CCDC7: variants seen among roughly 807,000 people sequenced by gnomAD.
CCDC7 encodes coiled-coil domain containing 7.
A neutral mutation model predicts 196.9 loss-of-function variants in CCDC7; 183 were observed. The observed-to-expected ratio is 0.93, with a 90% CI of 0.82 to 1.05. The LOEUF is 1.05. CCDC7 is among the 50% of genes least tolerant of loss of function. The pLI, the probability that CCDC7 is intolerant of heterozygous loss-of-function variation, is 0.00. For missense variants in CCDC7, 1,540 were observed against 1,482.2 expected (o/e 1.04, Z -0.64); for synonymous variants, 525 against 484.6 (o/e 1.08, Z -1.10).
chr10:32,657,506 G>A (rs556189897), intron 20 of CCDC7, among the ~76,000 whole-genome samples: 1 of 152,218 alleles, frequency 6.6e-6, no homozygotes, highest in Non-Finnish European at 1.5e-5. Context: ...CTGAAGCAAT[G>A]GTCTGAGCTG....
intron 29 of CCDC7, among the ~76,000 whole-genome samples, chr10:32,784,251 G>T (rs1431361238): frequency 6.6e-6 from 1 of 151,448 alleles, no homozygotes; most frequent in East Asian, 1.9e-4. Flanking sequence ...CAGGGTACAT[G>T]TGCAGGATGT....
intron 24 of CCDC7, among the ~76,000 whole-genome samples, chr10:32,704,841 C>G (rs967576192): frequency 1.3e-5 from 2 of 152,136 alleles, no homozygotes; most frequent in Admixed American, 6.5e-5. Context: ...CCTGGTGTGC[C>G]ATTTGCTAAG....
At chr10:32,533,079 T>A (rs1414665056) in intron 11 of CCDC7, among the ~76,000 whole-genome samples, 2 of 152,080 alleles carry the variant, frequency 1.3e-5, no homozygotes, top group Non-Finnish European at 1.5e-5. Flanking sequence ...TAATTTTTTA[T>A]GATAATATGT....
intron 11 of CCDC7, among the ~76,000 whole-genome samples, chr10:32,541,713 G>A (rs755781470): frequency 6.6e-6 from 1 of 152,178 alleles, no homozygotes; most frequent in African/African-American, 2.4e-5. Flanking sequence ...AGAGGTCACC[G>A]TGGACTCAAG....
chr10:32,618,264 A>G (rs2062993442), intron 18 of CCDC7, among the ~76,000 whole-genome samples: 1 of 151,578 alleles, frequency 6.6e-6, no homozygotes, highest in Admixed American at 6.6e-5. Context: ...TGTTCTTGTC[A>G]TGTTTTTATT....
At chr10:32,667,301 A>T (rs1194505438) in intron 21 of CCDC7, among the ~76,000 whole-genome samples, 4 of 152,066 alleles carry the variant, frequency 2.6e-5, no homozygotes, top group Non-Finnish European at 5.9e-5. Flanking sequence ...TGCAAAAATT[A>T]TCTCCCATTC....
chr10:32,818,498 T>C (rs1289572564), intron 31 of CCDC7, among the ~76,000 whole-genome samples: 1 of 151,630 alleles, frequency 6.6e-6, no homozygotes, highest in Non-Finnish European at 1.5e-5. Flanking sequence ...CTAATAGACA[T>C]CTACAGAACT....
intron 7 of CCDC7, among the ~76,000 whole-genome samples, chr10:32,473,117 A>C (rs954579045): frequency 2.0e-5 from 3 of 152,168 alleles, no homozygotes; most frequent in African/African-American, 2.4e-5. Flanking sequence ...ACTTCCATAA[A>C]ATTTACAGCT....
At chr10:32,629,288 T>C (rs373100267) in intron 18 of CCDC7, among the ~76,000 whole-genome samples, 1 of 152,094 alleles carries the variant, frequency 6.6e-6, no homozygotes, top group South Asian at 2.1e-4. Context: ...GACTGGAAGT[T>C]TATTTTTTTG....
At chr10:32,549,002 T>A (rs2053003167) in intron 13 of CCDC7, among the ~76,000 whole-genome samples, 1 of 152,230 alleles carries the variant, frequency 6.6e-6, no homozygotes. Flanking sequence ...TTTTCCATAG[T>A]GGCTGTACTA....
At chr10:32,472,796 A>G (rs918959045) in intron 7 of CCDC7, among the ~76,000 whole-genome samples, 1 of 151,016 alleles carries the variant, frequency 6.6e-6, no homozygotes, top group African/African-American at 2.4e-5. Flanking sequence ...AGGTCTCACT[A>G]TGTCGCCCAG....
At chr10:32,798,277 C>A (rs551957979) in intron 29 of CCDC7, among the ~76,000 whole-genome samples, 1 of 152,206 alleles carries the variant, frequency 6.6e-6, no homozygotes, top group East Asian at 1.9e-4. Flanking sequence ...CAGTGTTGGT[C>A]TTTGCTGCTG....
intron 20 of CCDC7, among the ~76,000 whole-genome samples, chr10:32,659,360 A>C (rs1018178792): frequency 6.6e-6 from 1 of 152,110 alleles, no homozygotes; most frequent in Non-Finnish European, 1.5e-5. Context: ...CCTGTGATTG[A>C]TTTCTAGTTT....
intron 25 of CCDC7, among the ~76,000 whole-genome samples, chr10:32,724,298 C>T (rs538830017): frequency 2.0e-5 from 3 of 152,054 alleles, no homozygotes; most frequent in Non-Finnish European, 2.9e-5. Context: ...CCATGGGATC[C>T]TCGGGGTTCT....
chr10:32,453,306 A>G (rs2505335), intron 1 of CCDC7, 38 bp from the exon 3 acceptor site: 617,026 of 1,342,712 alleles, frequency 0.46, 149,107 homozygotes, highest in Non-Finnish European at 0.5. Context: ...ATTTTAAACT[A>G]TTAAAGTATC....
Position 32,583,310 on chromosome 10 carries a change from A to G in CCDC7, c.1728+3A>G. 1 of 1,227,188 alleles carries G rather than the reference A, an allele frequency of 8.1e-7. No homozygotes were observed. The allele number at this position is 1,227,188 out of a possible 1,614,324, so 76.0% of individuals were successfully genotyped here. A position where few individuals can be genotyped will look rare whatever the true frequency, so the allele number is the denominator to read the frequency against. On this transcript the variant is annotated splice_donor_region_variant and intron_variant, in intron 17 of 41. Coordinates refer to ENST00000639629, the Ensembl canonical transcript of CCDC7. ...CTGTTCTTACAGAAAGTAAAAAGGT[A>G]TGATATATATAGAAACTTGAAAGCT...
chr10:32,540,387 G>C (rs1381980032), intron 11 of CCDC7, among the ~76,000 whole-genome samples: 2 of 151,990 alleles, frequency 1.3e-5, no homozygotes, highest in African/African-American at 4.8e-5. Context: ...ATTTTTCTCT[G>C]TCTTTTAATT....
At chr10:32,716,272 C>A (rs1299303852) in intron 25 of CCDC7, among the ~76,000 whole-genome samples, 1 of 152,092 alleles carries the variant, frequency 6.6e-6, no homozygotes, top group Non-Finnish European at 1.5e-5. Flanking sequence ...GAATTTTCAA[C>A]CCAGAATTTC....
At chr10:32,882,603 A>G (rs912851817) in intron 22 of CCDC7, 90 bp from the exon 44 acceptor site, 6 of 152,210 alleles carry the variant, frequency 3.9e-5, no homozygotes, top group African/African-American at 1.4e-4. Context: ...CACATGCACA[A>G]GACTGAACAT....
Sources: allele counts gnomAD v4.1 joint callset (sites outside exome capture counted in the v4.1 genomes callset), GRCh38; gene constraint gnomAD v4.1.1; transcripts MANE v1.5; gene names NCBI Gene and HGNC (gene_info 2026-07-23, HGNC 2026-07-21).